The following SPAG9 variants were observed in gnomAD, a reference collection of about 807,000 sequenced individuals.
SPAG9 encodes the protein C-Jun-amino-terminal kinase-interacting protein 4.
Under a neutral mutation model 166.5 loss-of-function variants are expected in SPAG9, and 35 were observed. The ratio of observed to expected loss-of-function variants is 0.21; its 90% CI spans 0.16 to 0.28. The LOEUF is 0.28. Among genes scored for constraint, SPAG9 ranks in the 10% least tolerant of loss-of-function variants. The pLI is 1.00. For synonymous variants in SPAG9, 534 were observed against 565.5 expected (o/e 0.94, Z 0.79); for missense variants, 1,235 against 1,603.3 (o/e 0.77, Z 3.92).
intron 4 of SPAG9, among the ~76,000 whole-genome samples, chr17:51,043,225 G>A (rs750596695): frequency 2.3e-4 from 35 of 152,214 alleles, no homozygotes; most frequent in South Asian, 1.0e-3. Context: ...CTAAGTTTGC[G>A]ACTATGAGCT....
chr17:50,976,003 G>T, intron 27 of SPAG9: 1 of 858,932 alleles, frequency 1.2e-6, no homozygotes, highest in Non-Finnish European at 1.9e-6. Context: ...TGGTAAACCT[G>T]GTGCTCAAAG....
chr17:51,119,754 A>G (rs982005193), intron 1 of SPAG9, among the ~76,000 whole-genome samples: 2 of 152,198 alleles, frequency 1.3e-5, no homozygotes, highest in African/African-American at 4.8e-5. Context: ...GAAATTGTTT[A>G]TATATTTATT....
chr17:51,082,382 A>C (rs566626014), intron 1 of SPAG9, among the ~76,000 whole-genome samples: 19 of 150,222 alleles, frequency 1.3e-4, no homozygotes, highest in African/African-American at 4.6e-4. Flanking sequence ...TGTCTCAAAA[A>C]AAAAAAAAAA....
At chr17:51,023,813 C>T (rs549405117) in intron 6 of SPAG9, among the ~76,000 whole-genome samples, 11 of 152,170 alleles carry the variant, frequency 7.2e-5, no homozygotes, top group East Asian at 3.9e-4. Context: ...TACCGGCGTG[C>T]GTCACCATGC....
Position 51,118,869 on chromosome 17 carries a change from G to A in SPAG9, c.303+1485C>T, listed in dbSNP as rs557306498. On this transcript the variant is annotated intron_variant, in intron 1 of 29. Coordinates refer to ENST00000262013, the MANE Select transcript of SPAG9 (RefSeq NM_001130528.3). ...GTTCAAGACCATCCTAGGCACCATGGAGAAATCCTGTCTCTACAAAAAACA... is the reference window on the plus strand; with the variant it reads ...GTTCAAGACCATCCTAGGCACCATGAAGAAATCCTGTCTCTACAAAAAACA... Among the ~76,000 whole-genome samples the A allele has an allele frequency of 1.4e-4, 22 of 152,164 alleles. No homozygotes were observed. In the East Asian group the frequency reaches 3.5e-3, roughly 24 times the overall value.
chr17:50,998,022 ATTTT>A (rs563896612), intron 15 of SPAG9, among the ~76,000 whole-genome samples: 2 of 90,760 alleles, frequency 2.2e-5, no homozygotes, highest in African/African-American at 8.5e-5. Context: ...TACAGAAATG[ATTTT>A]TTTTTTTTTT....
intron 4 of SPAG9, among the ~76,000 whole-genome samples, chr17:51,044,867 T>C (rs2046964264): frequency 6.6e-6 from 1 of 152,334 alleles, no homozygotes; most frequent in African/African-American, 2.4e-5. Context: ...TTGATATCTT[T>C]ATTTAATCAG....
At chr17:51,063,832 A>T (rs527710874) in intron 2 of SPAG9, among the ~76,000 whole-genome samples, 1 of 152,374 alleles carries the variant, frequency 6.6e-6, no homozygotes, top group East Asian at 1.9e-4. Flanking sequence ...CAGTGAGCCA[A>T]GATCGTGCCA....
At chr17:51,017,979 A>C (rs2045773607) in intron 8 of SPAG9, among the ~76,000 whole-genome samples, 1 of 152,172 alleles carries the variant, frequency 6.6e-6, no homozygotes, top group Non-Finnish European at 1.5e-5. Flanking sequence ...GTCATTAATT[A>C]ATTAAAGGAT....
chr17:51,097,018 C>A (rs907442156), intron 1 of SPAG9, among the ~76,000 whole-genome samples: 1 of 152,248 alleles, frequency 6.6e-6, no homozygotes, highest in Non-Finnish European at 1.5e-5. Context: ...CAGCCCACCC[C>A]ACACAACCTC....
At chr17:51,031,963 TG>T (rs2046401518) in intron 5 of SPAG9, 1 of 631,398 alleles carries the variant, frequency 1.6e-6, no homozygotes, top group Admixed American at 2.1e-5. Context: ...CTTATCAACA[TG>T]CAGCTCATTG....
At chr17:51,026,320 G>GAAAAAAAAAAAA (rs55851511) in intron 6 of SPAG9, among the ~76,000 whole-genome samples, 1 of 89,366 alleles carries the variant, frequency 1.1e-5, no homozygotes, top group Non-Finnish European at 2.3e-5. Context: ...GGTGAAAAGA[G>GAAAAAAAAAAAA]AAAAAAAAAA....
intron 5 of SPAG9, among the ~76,000 whole-genome samples, chr17:51,032,170 AT>A (rs1187570064): frequency 6.6e-6 from 1 of 151,766 alleles, no homozygotes; most frequent in African/African-American, 2.4e-5. Context: ...CCTTTTTCTT[AT>A]TTTTTTTGAG....
At chr17:51,037,292 C>G in intron 5 of SPAG9, among the ~76,000 whole-genome samples, 1 of 152,042 alleles carries the variant, frequency 6.6e-6, no homozygotes, top group East Asian at 1.9e-4. Context: ...TTTGTAGAGA[C>G]AGAGTCGCTT....
At chr17:51,009,550 T>C (rs567349504) in intron 9 of SPAG9, among the ~76,000 whole-genome samples, 1 of 152,332 alleles carries the variant, frequency 6.6e-6, no homozygotes, top group South Asian at 2.1e-4. Context: ...TACTGCGTCC[T>C]CACCATCACC....
intron 8 of SPAG9, among the ~76,000 whole-genome samples, chr17:51,019,849 T>C (rs1227243192): frequency 1.3e-5 from 2 of 152,132 alleles, no homozygotes; most frequent in Non-Finnish European, 2.9e-5. Flanking sequence ...CGAAACTCTG[T>C]CTCAAAAAAA....
chr17:51,083,670 C>T (rs550575354), intron 1 of SPAG9, among the ~76,000 whole-genome samples: 93 of 152,072 alleles, frequency 6.1e-4, no homozygotes, highest in Admixed American at 1.8e-3. Flanking sequence ...ACCCTCCTGC[C>T]TCAGCCTCCA....
intron 6 of SPAG9, among the ~76,000 whole-genome samples, chr17:51,026,572 G>T (rs1196213529): frequency 6.6e-6 from 1 of 151,476 alleles, no homozygotes; most frequent in East Asian, 1.9e-4. Flanking sequence ...ATAGCCCAAT[G>T]TGTGGGCTAT....
chr17:50,984,963 G>T lies in SPAG9; in HGVS notation c.3048C>A (p.Ala1016=). The part of the protein sequence containing the change: ...IVHVKGIVLV[A]LADGTLAIFH... ...AGATTGCAAGGGTGCCGTCAGCCAG[G>T]GCTACTAACACGATTCCCTTCACGT... The change falls in exon 24 of 30, where the codon GCC becomes GCA. Residue 1016 remains alanine (A), a synonymous_variant. Coordinates refer to ENST00000262013, the MANE Select transcript of SPAG9 (RefSeq NM_001130528.3). The T allele has an allele frequency of 6.2e-7, 1 of 1,614,120 alleles. No individual in the cohort carries two copies. The highest frequency in any genetic ancestry group is 1.1e-5 in the South Asian group (1 of 91,088).
Sources: allele counts gnomAD v4.1 joint callset (sites outside exome capture counted in the v4.1 genomes callset), GRCh38; gene constraint gnomAD v4.1.1; transcripts MANE v1.5; gene names NCBI Gene and HGNC (gene_info 2026-07-23, HGNC 2026-07-21).